Variants in GRM1 observed in about 807,000 individuals in gnomAD.
GRM1 encodes glutamate metabotropic receptor 1.
A neutral mutation model predicts 90.9 loss-of-function variants in GRM1; 33 were observed. The ratio of observed to expected loss-of-function variants is 0.36; its 90% CI spans 0.28 to 0.49. The LOEUF is 0.49. GRM1 is among the 20% of genes least tolerant of loss of function. The pLI is 0.99. For missense variants in GRM1, 1,190 were observed against 1,534.3 expected (o/e 0.78, Z 3.75); for synonymous variants, 700 against 613.2 (o/e 1.14, Z -2.09).
intron 1 of GRM1, among the ~76,000 whole-genome samples, chr6:146,056,599 C>T (rs1029941863): frequency 4.6e-5 from 7 of 152,042 alleles, no homozygotes; most frequent in Admixed American, 2.0e-4. Flanking sequence ...CGGCATGTCA[C>T]GCTTTTACTC....
At chr6:146,222,047 G>C (rs186490399) in intron 2 of GRM1, among the ~76,000 whole-genome samples, 1 of 152,072 alleles carries the variant, frequency 6.6e-6, no homozygotes. Flanking sequence ...AGAAACTCAG[G>C]TGTGTAACCT....
chr6:146,169,556 T>C (rs1171240291), intron 2 of GRM1, among the ~76,000 whole-genome samples: 1 of 152,152 alleles, frequency 6.6e-6, no homozygotes, highest in Non-Finnish European at 1.5e-5. Context: ...AAAGATTTGT[T>C]TTTCAACCCA....
chr6:146,166,630 T>C (rs557581446), intron 2 of GRM1, among the ~76,000 whole-genome samples: 24 of 152,116 alleles, frequency 1.6e-4, no homozygotes, highest in Non-Finnish European at 5.9e-5. Flanking sequence ...GAAAACACAG[T>C]CATGTTCCAG....
At chr6:146,240,216 A>G (rs1281793673) in intron 2 of GRM1, among the ~76,000 whole-genome samples, 1 of 152,022 alleles carries the variant, frequency 6.6e-6, no homozygotes, top group Non-Finnish European at 1.5e-5. Context: ...ACCGTACAGG[A>G]TACCTCTGGC....
At chr6:146,124,688 A>G (rs1479549436) in intron 1 of GRM1, among the ~76,000 whole-genome samples, 1 of 152,190 alleles carries the variant, frequency 6.6e-6, no homozygotes, top group East Asian at 1.9e-4. Context: ...TACAATAAAC[A>G]TTTCTGGAAA....
chr6:146,059,404 A>G (rs971730334), intron 1 of GRM1, among the ~76,000 whole-genome samples: 1 of 152,126 alleles, frequency 6.6e-6, no homozygotes, highest in African/African-American at 2.4e-5. Flanking sequence ...TGGGCTTTAA[A>G]TATTCAGTAA....
At chr6:146,074,453 T>A (rs1473911490) in intron 1 of GRM1, among the ~76,000 whole-genome samples, 2 of 152,112 alleles carry the variant, frequency 1.3e-5, no homozygotes, top group Non-Finnish European at 2.9e-5. Context: ...TTCCCTCAAA[T>A]TCAGAGTCAC....
intron 2 of GRM1, among the ~76,000 whole-genome samples, chr6:146,249,717 G>C (rs1781204616): frequency 6.6e-6 from 1 of 152,164 alleles, no homozygotes; most frequent in South Asian, 2.1e-4. Flanking sequence ...ACTGCCTAGT[G>C]GAGCTGTGAG....
Position 146,155,614 on chromosome 6 carries a change from A to G in GRM1, c.701-3734A>G, listed in dbSNP as rs917246701. Among the ~76,000 whole-genome samples, 6 of 152,196 alleles carry G rather than the reference A, an allele frequency of 3.9e-5. No individual in the cohort carries two copies. The East Asian group carries it at 5.8e-4, about 15-fold the overall frequency. ...CAGGAAAGGCTTTTCAAAGGAGGTGATATTTCTTTCATGATATGACTGATA... is the reference window on the plus strand; with the variant it reads ...CAGGAAAGGCTTTTCAAAGGAGGTGGTATTTCTTTCATGATATGACTGATA... On this transcript the variant is annotated intron_variant, in intron 1 of 7. Coordinates refer to ENST00000282753, the MANE Select transcript of GRM1 (RefSeq NM_001278064.2).
intron 1 of GRM1, among the ~76,000 whole-genome samples, chr6:146,089,771 A>T (rs1046573309): frequency 6.6e-6 from 1 of 152,028 alleles, no homozygotes; most frequent in African/African-American, 2.4e-5. Flanking sequence ...TTTTATTCTT[A>T]CTAGCAATGG....
At chr6:146,178,500 A>T (rs761840895) in intron 2 of GRM1, among the ~76,000 whole-genome samples, 5 of 152,226 alleles carry the variant, frequency 3.3e-5, no homozygotes, top group Non-Finnish European at 7.3e-5. Flanking sequence ...TTCATATACA[A>T]CTTATACACA....
intron 1 of GRM1, among the ~76,000 whole-genome samples, chr6:146,094,762 A>G (rs1433081875): frequency 6.6e-6 from 1 of 152,118 alleles, no homozygotes; most frequent in East Asian, 1.9e-4. Context: ...TATGTCATTG[A>G]GAATCTACTA....
chr6:146,119,558 G>A (rs1775900855), intron 1 of GRM1, among the ~76,000 whole-genome samples: 1 of 152,152 alleles, frequency 6.6e-6, no homozygotes, highest in African/African-American at 2.4e-5. Context: ...TTCTTCTAGA[G>A]TTTTTATGGT....
At position 146,359,720 on chromosome 6, in the gene GRM1, C is replaced by T. The variant is rs148439584; in HGVS notation, c.1602+2026C>T. ...TCCCCAGTTCAGGGGCAAGGCTGTC[C>T]GCATTTGTCCCTGCACCTAGACACT... On this transcript the variant is annotated intron_variant, in intron 5 of 7. Coordinates refer to ENST00000282753, the MANE Select transcript of GRM1 (RefSeq NM_001278064.2). 9.7e-4 allele frequency among the ~76,000 whole-genome samples: 147 copies of T among 152,200 alleles called. 1 individual carries two copies. Among genetic ancestry groups the T allele is most frequent in the African/African-American group, 3.3e-3 (135 of 41,518 alleles).
chr6:146,205,037 A>G (rs1047156713), intron 2 of GRM1, among the ~76,000 whole-genome samples: 6 of 152,248 alleles, frequency 3.9e-5, no homozygotes, highest in African/African-American at 1.4e-4. Flanking sequence ...AAATGCATGC[A>G]TCAAAAATGT....
intron 2 of GRM1, among the ~76,000 whole-genome samples, chr6:146,283,239 G>A (rs1583271855): frequency 6.6e-6 from 1 of 152,182 alleles, no homozygotes; most frequent in Non-Finnish European, 1.5e-5. Context: ...ATAAATGATT[G>A]TAGTTTTAAA....
At chr6:146,284,992 A>G (rs1359880307) in intron 2 of GRM1, among the ~76,000 whole-genome samples, 1 of 152,222 alleles carries the variant, frequency 6.6e-6, no homozygotes, top group Non-Finnish European at 1.5e-5. Flanking sequence ...TCACCCAATG[A>G]GAGCAAATTT....
intron 1 of GRM1, among the ~76,000 whole-genome samples, chr6:146,047,325 C>T (rs146520609): frequency 5.3e-5 from 8 of 151,798 alleles, no homozygotes; most frequent in Admixed American, 2.6e-4. Flanking sequence ...TGTTAGAAAG[C>T]GACACCTTTG....
chr6:146,211,521 G>A lies in GRM1; in HGVS notation c.950+51924G>A, dbSNP rs190509007. On this transcript the variant is annotated intron_variant, in intron 2 of 7. Transcript: ENST00000282753. ...TCAAATAAGATCATTTTGATTATCC[G>A]GTGACTTTTTGTTATATGACATCCA... Among the ~76,000 whole-genome samples, 622 of 152,086 alleles carry A rather than the reference G, an allele frequency of 4.1e-3. 3 individuals are homozygous for A. The highest frequency in any genetic ancestry group is 6.8e-3 in the Middle Eastern group (2 of 294).
Sources: allele counts gnomAD v4.1 joint callset (sites outside exome capture counted in the v4.1 genomes callset), GRCh38; gene constraint gnomAD v4.1.1; transcripts MANE v1.5; gene names NCBI Gene and HGNC (gene_info 2026-07-23, HGNC 2026-07-21).